Variants in DLGAP2 observed in about 807,000 individuals in gnomAD.
The protein encoded by DLGAP2 is DLG associated protein 2.
In DLGAP2, 26 loss-of-function variants were observed where a neutral mutation model predicts 100.3. That is an observed-to-expected ratio of 0.26 (90% CI 0.19 to 0.36). The LOEUF (loss-of-function observed/expected upper bound fraction) is 0.36, where lower values mean the gene tolerates loss of function less well. DLGAP2 is among the 10% of genes least tolerant of loss of function. The pLI, the probability that DLGAP2 is intolerant of heterozygous loss-of-function variation, is 1.00. For synonymous variants in DLGAP2, 886 were observed against 630.1 expected (o/e 1.41, Z -6.08); for missense variants, 1,858 against 1,453.2 (o/e 1.28, Z -4.53).
intron 2 of DLGAP2, among the ~76,000 whole-genome samples, chr8:1,149,924 C>G (rs556915062): frequency 3.9e-5 from 6 of 152,314 alleles, no homozygotes; most frequent in African/African-American, 1.4e-4. Flanking sequence ...ACCCTGGAAC[C>G]TTTTAACTCC....
chr8:1,543,732 C>T (rs1801440020), intron 4 of DLGAP2, among the ~76,000 whole-genome samples: 1 of 152,178 alleles, frequency 6.6e-6, no homozygotes, highest in Admixed American at 6.5e-5. Flanking sequence ...GAGGTTTTGA[C>T]AGGAATTTCA....
chr8:1,519,830 C>G (rs565559683), intron 4 of DLGAP2, among the ~76,000 whole-genome samples: 1 of 152,246 alleles, frequency 6.6e-6, no homozygotes, highest in Non-Finnish European at 1.5e-5. Flanking sequence ...GTGATGGCCC[C>G]GGCAGGGCCG....
rs192658803 is a variant in DLGAP2 at position 836,130 on chromosome 8, C to G, written c.19-71782C>G. Among the ~76,000 whole-genome samples, 363 of 152,330 alleles carry G rather than the reference C, an allele frequency of 2.4e-3. 2 individuals are homozygous for G. Among genetic ancestry groups the G allele is most frequent in the African/African-American group, 8.4e-3 (349 of 41,574 alleles). On this transcript the variant is annotated intron_variant, in intron 1 of 14. Transcript: ENST00000637795. ...TGTGTTGTTCCTGAACGCTTTTTCT[C>G]TGGTCTTAAATTTAGACACCGAATC...
At chr8:752,819 C>T (rs553223436) in intron 1 of DLGAP2, among the ~76,000 whole-genome samples, 1 of 152,184 alleles carries the variant, frequency 6.6e-6, no homozygotes, top group East Asian at 1.9e-4. Context: ...GGGCCCAGGG[C>T]ACTGCACGTC....
At chr8:973,579 A>G (rs1800078861) in intron 2 of DLGAP2, among the ~76,000 whole-genome samples, 2 of 152,218 alleles carry the variant, frequency 1.3e-5, no homozygotes, top group East Asian at 3.8e-4. Flanking sequence ...CAGAGGCTGC[A>G]ATCTCGGCAC....
chr8:1,303,234 A>G (rs966328493), intron 3 of DLGAP2, among the ~76,000 whole-genome samples: 3 of 152,126 alleles, frequency 2.0e-5, no homozygotes, highest in Admixed American at 2.0e-4. Context: ...CGTCTCTACT[A>G]AAAATACAAA....
intron 8 of DLGAP2, among the ~76,000 whole-genome samples, chr8:1,649,263 C>T (rs1798110493): frequency 6.6e-6 from 1 of 150,924 alleles, no homozygotes; most frequent in Admixed American, 6.6e-5. Context: ...ACTCAATACC[C>T]AGTGTCTAAA....
intron 3 of DLGAP2, among the ~76,000 whole-genome samples, chr8:1,367,068 C>A (rs1403419405): frequency 6.6e-6 from 1 of 152,028 alleles, no homozygotes; most frequent in Non-Finnish European, 1.5e-5. Flanking sequence ...GTAAATAACA[C>A]TGTTAACATT....
At chr8:1,527,850 T>G (rs1800843920) in intron 4 of DLGAP2, among the ~76,000 whole-genome samples, 1 of 152,180 alleles carries the variant, frequency 6.6e-6, no homozygotes. Flanking sequence ...TCCACCCATT[T>G]TTAATATTTT....
chr8:1,277,176 A>C (rs1799715010), intron 3 of DLGAP2, among the ~76,000 whole-genome samples: 1 of 152,212 alleles, frequency 6.6e-6, no homozygotes, highest in African/African-American at 2.4e-5. Context: ...ATAGTGTTTC[A>C]TTCAAAGTGT....
chr8:1,588,331 A>T (rs1350478442), intron 6 of DLGAP2, among the ~76,000 whole-genome samples: 1 of 152,172 alleles, frequency 6.6e-6, no homozygotes, highest in Non-Finnish European at 1.5e-5. Context: ...TCCAATCTGT[A>T]AGATCTGAGG....
intron 2 of DLGAP2, among the ~76,000 whole-genome samples, chr8:928,888 G>A (rs1215180764): frequency 6.6e-6 from 1 of 151,944 alleles, no homozygotes; most frequent in Non-Finnish European, 1.5e-5. Flanking sequence ...ACCAGGGTAG[G>A]GGCAGGGTGG....
chr8:819,323 A>G (rs3924742), intron 1 of DLGAP2, among the ~76,000 whole-genome samples: 146,243 of 152,288 alleles, frequency 0.96, 70,422 homozygotes, highest in South Asian at 1. Flanking sequence ...CATAGCAGCC[A>G]TCTGTGATAG....
chr8:947,317 G>C (rs1015140754), intron 2 of DLGAP2, among the ~76,000 whole-genome samples: 1 of 152,190 alleles, frequency 6.6e-6, no homozygotes, highest in Admixed American at 6.5e-5. Context: ...CTGGGGACGG[G>C]GGCAGGGGTC....
chr8:1,501,420 A>G lies in DLGAP2; in HGVS notation c.161A>G (p.Glu54Gly). ...GGCATCAGCTTTCCGGGGCCGGCAGAGGAGGATCTAGGTAGAGTACAGACG... is the reference window on the plus strand; with the variant it reads ...GGCATCAGCTTTCCGGGGCCGGCAGGGGAGGATCTAGGTAGAGTACAGACG... ...QPGISFPGPAEEDLDPQYSWS... is the reference protein window; with the variant it reads ...QPGISFPGPAGEDLDPQYSWS... The change falls in exon 4 of 15, where the codon GAG becomes GGG. Residue 54 changes from glutamate to glycine, a missense_variant. By Grantham distance (98) the Glu-to-Gly change is moderately conservative. Coordinates refer to ENST00000637795, the MANE Select transcript of DLGAP2 (RefSeq NM_001346810.2). 6.5e-7 allele frequency: 1 copy of G among 1,535,750 alleles called. No homozygotes were observed. Among genetic ancestry groups the G allele is most frequent in the Non-Finnish European group, 8.7e-7 (1 of 1,146,736 alleles).
chr8:1,513,967 T>C (rs1224985768), intron 4 of DLGAP2, among the ~76,000 whole-genome samples: 1 of 152,236 alleles, frequency 6.6e-6, no homozygotes, highest in Non-Finnish European at 1.5e-5. Context: ...GATGTTGAAC[T>C]GAAAGGTACC....
chr8:1,451,350 G>GT, intron 3 of DLGAP2, among the ~76,000 whole-genome samples: 1 of 152,264 alleles, frequency 6.6e-6, no homozygotes, highest in South Asian at 2.1e-4. Context: ...CCCTGTCCAA[G>GT]TGCCTCCAGG....
chr8:1,242,473 TG>T (rs1798818444), intron 2 of DLGAP2, among the ~76,000 whole-genome samples: 1 of 152,236 alleles, frequency 6.6e-6, no homozygotes, highest in South Asian at 2.1e-4. Context: ...TTGTTTCTTA[TG>T]AAATGTCCCA....
At chr8:1,030,603 G>A (rs1801945139) in intron 2 of DLGAP2, among the ~76,000 whole-genome samples, 1 of 152,180 alleles carries the variant, frequency 6.6e-6, no homozygotes, top group Non-Finnish European at 1.5e-5. Context: ...GCTTTAGTAA[G>A]CTGGACTCTT....
Sources: allele counts gnomAD v4.1 joint callset (sites outside exome capture counted in the v4.1 genomes callset), GRCh38; gene constraint gnomAD v4.1.1; transcripts MANE v1.5; gene names NCBI Gene and HGNC (gene_info 2026-07-23, HGNC 2026-07-21).